The following RGS12 variants were observed in gnomAD, a reference collection of about 807,000 sequenced individuals.
RGS12 encodes regulator of G protein signaling 12.
Under a neutral mutation model 120.1 loss-of-function variants are expected in RGS12, and 66 were observed. That is an observed-to-expected ratio of 0.55 (90% CI 0.45 to 0.67). The LOEUF (loss-of-function observed/expected upper bound fraction) is 0.67. Ranked by LOEUF, RGS12 falls within the 30% of genes least tolerant of loss-of-function variation. The pLI, the probability that RGS12 is intolerant of heterozygous loss-of-function variation, is 0.00. For missense variants in RGS12, 1,859 were observed against 1,957.7 expected (o/e 0.95, Z 0.95); for synonymous variants, 827 against 804.7 (o/e 1.03, Z -0.47).
At chr4:3,328,535 C>T (rs1487256689) in intron 2 of RGS12, among the ~76,000 whole-genome samples, 1 of 152,268 alleles carries the variant, frequency 6.6e-6, no homozygotes, top group African/African-American at 2.4e-5. Flanking sequence ...AGGTGCAGTC[C>T]CTTGACCTCC....
In RGS12 at chr4:3,317,368, A is replaced by G. The variant is rs1403761237; in HGVS notation, c.1198A>G (p.Met400Val). The change falls in exon 2 of 18, where the codon ATG (methionine) becomes GTG (valine). Residue 400 changes from methionine (M) to valine (V), a missense_variant. Physicochemically the swap from Met to Val is conservative, Grantham distance 21. Around this residue, in one of 3 missense-constraint regions of RGS12, gnomAD observed 967 missense variants for 994.2 expected, o/e 0.97. Coordinates refer to ENST00000336727, the MANE Select transcript of RGS12 (RefSeq NM_001394154.1). The part of the protein sequence containing the change: ...YRDMGELIEG[M>V]RARAFLDGDA... ...AGACATGGGTGAGCTGATTGAGGGC[A>G]TGCGGGCCCGCGCCTTTCTGGACGG... is the stretch of plus-strand genomic sequence containing the variant. The G allele has an allele frequency of 6.2e-7, 1 of 1,614,110 alleles. No homozygotes were observed. Among genetic ancestry groups the G allele is most frequent in the South Asian group, 1.1e-5 (1 of 91,078 alleles).
intron 3 of RGS12, among the ~76,000 whole-genome samples, chr4:3,348,513 T>C (rs1288749482): frequency 1.3e-5 from 2 of 151,898 alleles, no homozygotes; most frequent in Admixed American, 6.6e-5. Flanking sequence ...AGGAAGAGGG[T>C]GTCCAGTATT....
intron 4 of RGS12, among the ~76,000 whole-genome samples, chr4:3,395,957 A>G (rs746568387): frequency 3.9e-5 from 6 of 152,232 alleles, no homozygotes; most frequent in Admixed American, 2.6e-4. Context: ...TAACCTACCC[A>G]TACCTTCCTG....
chr4:3,301,204 C>T (rs369250448), intron 1 of RGS12, among the ~76,000 whole-genome samples: 3 of 152,136 alleles, frequency 2.0e-5, no homozygotes, highest in African/African-American at 7.2e-5. Flanking sequence ...CGGCTGCCCT[C>T]CTCTGTTACA....
chr4:3,407,566 C>T (rs1293821855), intron 4 of RGS12: 1 of 152,330 alleles, frequency 6.6e-6, no homozygotes, highest in Non-Finnish European at 1.5e-5. Flanking sequence ...CTTATCAGCT[C>T]TACCCAGGTA....
At chr4:3,398,349 G>T (rs1720254390) in intron 4 of RGS12, among the ~76,000 whole-genome samples, 1 of 152,152 alleles carries the variant, frequency 6.6e-6, no homozygotes, top group Admixed American at 6.5e-5. Context: ...AGGCACGGTG[G>T]TGCACACCTA....
At chr4:3,332,913 C>T (rs1022638112) in intron 2 of RGS12, among the ~76,000 whole-genome samples, 7 of 152,100 alleles carry the variant, frequency 4.6e-5, no homozygotes, top group Non-Finnish European at 7.4e-5. Context: ...CAACCTCCGC[C>T]TCCCTGGGTT....
intron 3 of RGS12, among the ~76,000 whole-genome samples, chr4:3,348,890 C>G (rs1019892311): frequency 3.9e-5 from 6 of 152,198 alleles, no homozygotes; most frequent in Non-Finnish European, 8.8e-5. Flanking sequence ...GTCAGATTCA[C>G]CTGGAGAGGA....
chr4:3,424,703 G>A (rs1235311994), intron 13 of RGS12, among the ~76,000 whole-genome samples: 3 of 152,246 alleles, frequency 2.0e-5, no homozygotes, highest in East Asian at 1.9e-4. Context: ...TGGAGGATTC[G>A]TGTGGAATGG....
In RGS12 at chr4:3,414,198, T is replaced by C; in HGVS notation, c.2147T>C (p.Phe716Ser). Residue 716 changes from phenylalanine to serine, a missense_variant, in exon 5 of 18, where the codon TTT (phenylalanine) becomes TCT (serine). By Grantham distance (155) the Phe-to-Ser change is radical. This residue lies in a region of RGS12 where 967 missense variants were observed against 994.2 expected (regional missense o/e 0.97). Transcript: ENST00000336727. ...AGGGTCGCCAGCTGGGCCGTGTCCT[T>C]TGAGCGCCTGCTGCAGGACCCCGTC... The part of the protein sequence containing the change: ...ERRVASWAVS[F>S]ERLLQDPVGV... 6.4e-7 allele frequency: 1 copy of C among 1,550,476 alleles called. No individual in the cohort carries two copies. The highest frequency in any genetic ancestry group is 8.7e-7 in the Non-Finnish European group (1 of 1,151,548).
intron 2 of RGS12, among the ~76,000 whole-genome samples, chr4:3,318,432 C>T (rs548991749): frequency 5.3e-5 from 8 of 152,222 alleles, no homozygotes; most frequent in Admixed American, 5.2e-4. Flanking sequence ...AGGTCTGACC[C>T]CAGAATCTTC....
At chr4:3,347,356 A>G (rs1274129999) in intron 3 of RGS12, among the ~76,000 whole-genome samples, 6 of 152,168 alleles carry the variant, frequency 3.9e-5, no homozygotes. Flanking sequence ...AGGCCGGAGA[A>G]TGGCGTGATC....
At chr4:3,435,460 C>T (rs1301864888) in intron 17 of RGS12, among the ~76,000 whole-genome samples, 1 of 152,064 alleles carries the variant, frequency 6.6e-6, no homozygotes, top group African/African-American at 2.4e-5. Flanking sequence ...AGGAGCCTGC[C>T]ACTGGTCTCA....
intron 2 of RGS12, among the ~76,000 whole-genome samples, chr4:3,319,890 A>G (rs1725066013): frequency 6.6e-6 from 1 of 152,166 alleles, no homozygotes; most frequent in African/African-American, 2.4e-5. Context: ...TGGAGCCTGT[A>G]GGTGGTGGGG....
rs1172625010 is a variant in RGS12, at chr4:3,294,174, G to C, written c.-102+1075G>C. On this transcript the variant is annotated intron_variant, in intron 1 of 17. Coordinates refer to ENST00000336727, the MANE Select transcript of RGS12 (RefSeq NM_001394154.1). ...AGAGTGTCTTTGTCTGAAGTCCTCAGCGTGGTCCATGCCGTCCTGTGCAGG... is the reference window on the plus strand; with the variant it reads ...AGAGTGTCTTTGTCTGAAGTCCTCACCGTGGTCCATGCCGTCCTGTGCAGG... Among the ~76,000 whole-genome samples, 4 of 152,386 alleles carry C rather than the reference G, an allele frequency of 2.6e-5. No homozygotes were observed. In the South Asian group the frequency reaches 8.3e-4, roughly 32 times the overall value.
intron 3 of RGS12, among the ~76,000 whole-genome samples, chr4:3,371,835 G>A (rs1041763917): frequency 1.3e-5 from 2 of 152,200 alleles, no homozygotes; most frequent in Non-Finnish European, 2.9e-5. Flanking sequence ...GTCCGTGTCC[G>A]CAGCAGCGCT....
intron 3 of RGS12, among the ~76,000 whole-genome samples, chr4:3,360,052 G>A (rs1035263790): frequency 6.6e-5 from 10 of 152,320 alleles, no homozygotes; most frequent in African/African-American, 2.2e-4. Flanking sequence ...GAGCCACTGC[G>A]CCTGGCGAGA....
At chr4:3,381,925 G>C (rs1718303003) in intron 3 of RGS12, among the ~76,000 whole-genome samples, 1 of 152,170 alleles carries the variant, frequency 6.6e-6, no homozygotes, top group African/African-American at 2.4e-5. Context: ...GGGAGTGAGA[G>C]AGCTGTGCAC....
intron 4 of RGS12, among the ~76,000 whole-genome samples, chr4:3,411,182 A>G (rs1372501958): frequency 6.6e-6 from 1 of 152,192 alleles, no homozygotes; most frequent in Non-Finnish European, 1.5e-5. Flanking sequence ...AGATCCGACT[A>G]GATAGTTTTT....
Sources: allele counts gnomAD v4.1 joint callset (sites outside exome capture counted in the v4.1 genomes callset), GRCh38; gene constraint gnomAD v4.1.1; regional missense constraint gnomAD v4.1.1; transcripts MANE v1.5; gene names NCBI Gene and HGNC (gene_info 2026-07-23, HGNC 2026-07-21).